Variants in IL1RAPL2 observed in about 807,000 individuals in gnomAD.
The protein encoded by IL1RAPL2 is X-linked interleukin-1 receptor accessory protein-like 2.
IL1RAPL2 carries 3 observed loss-of-function variants against 44.1 expected under a neutral mutation model. The ratio of observed to expected loss-of-function variants is 0.07; its 90% CI spans 0.03 to 0.18. IL1RAPL2 has a LOEUF of 0.18. Among genes scored for constraint, IL1RAPL2 ranks in the 10% least tolerant of loss-of-function variants. The probability of loss-of-function intolerance (pLI) is 1.00; values close to 1 mark genes in which losing one functional copy is unlikely to be tolerated. For missense variants in IL1RAPL2, 391 were observed against 496.4 expected (o/e 0.79, Z 2.02); for synonymous variants, 181 against 178.8 (o/e 1.01, Z -0.10).
chrX:104,886,795 G>T (rs964341697), intron 2 of IL1RAPL2, among the ~76,000 whole-genome samples: 1 of 112,108 alleles, frequency 8.9e-6, no homozygotes, highest in African/African-American at 3.2e-5. Flanking sequence ...TTGCCCCAAA[G>T]GTTTAGGGAT....
intron 2 of IL1RAPL2, among the ~76,000 whole-genome samples, chrX:104,910,109 T>G (rs2074086852): frequency 8.9e-6 from 1 of 112,181 alleles, no homozygotes; most frequent in Admixed American, 9.4e-5. Context: ...GGGAGTGGCC[T>G]GATTTTCCAG....
At chrX:105,083,826 G>A (rs1417005584) in intron 2 of IL1RAPL2, among the ~76,000 whole-genome samples, 1 of 111,979 alleles carries the variant, frequency 8.9e-6, no homozygotes, top group African/African-American at 3.2e-5. Flanking sequence ...CACTAAACAT[G>A]GAAAAGAAGA....
At chrX:104,612,579 G>C (rs375435254) in intron 1 of IL1RAPL2, among the ~76,000 whole-genome samples, 12 of 111,911 alleles carry the variant, frequency 1.1e-4, no homozygotes, top group African/African-American at 3.2e-4. Flanking sequence ...GGTTGCTATA[G>C]CCTTATAGTA....
chrX:105,488,801 A>G (rs1267368375), intron 6 of IL1RAPL2, among the ~76,000 whole-genome samples: 1 of 112,159 alleles, frequency 8.9e-6, no homozygotes, highest in Non-Finnish European at 1.9e-5. Context: ...TATTTCTAAA[A>G]GGAATTCATT....
chrX:104,601,554 G>A (rs988138162), intron 1 of IL1RAPL2, among the ~76,000 whole-genome samples: 1 of 111,848 alleles, frequency 8.9e-6, no homozygotes, highest in Non-Finnish European at 1.9e-5. Flanking sequence ...TAGGTCAAAT[G>A]GCAGTTCTCT....
At chrX:104,604,455 C>G (rs949368791) in intron 1 of IL1RAPL2, among the ~76,000 whole-genome samples, 2 of 109,430 alleles carry the variant, frequency 1.8e-5, no homozygotes, top group Non-Finnish European at 3.8e-5. Flanking sequence ...CACACATAAC[C>G]ATATTTACCA....
At chrX:104,840,122 C>T (rs1179148179) in intron 2 of IL1RAPL2, among the ~76,000 whole-genome samples, 2 of 111,315 alleles carry the variant, frequency 1.8e-5, no homozygotes, top group Non-Finnish European at 3.8e-5. Flanking sequence ...AATTTGTTTG[C>T]TCTTGCTTCT....
At chrX:105,424,791 AAAAC>A (rs1378935489) in intron 5 of IL1RAPL2, among the ~76,000 whole-genome samples, 1 of 110,737 alleles carries the variant, frequency 9.0e-6, no homozygotes, top group Non-Finnish European at 1.9e-5. Context: ...AAATTAAAAA[AAAAC>A]AGTGAACAAA....
At chrX:105,665,709 C>T (rs1454325379) in intron 6 of IL1RAPL2, among the ~76,000 whole-genome samples, 3 of 101,166 alleles carry the variant, frequency 3.0e-5, no homozygotes, top group Non-Finnish European at 6.0e-5. Flanking sequence ...TTTGTCCTTT[C>T]AATAGTTTTT....
intron 5 of IL1RAPL2, among the ~76,000 whole-genome samples, chrX:105,436,670 G>A (rs1197740322): frequency 1.8e-5 from 2 of 110,589 alleles, no homozygotes; most frequent in African/African-American, 3.3e-5. Context: ...TTAAAATAAC[G>A]CATTTCCAAC....
intron 2 of IL1RAPL2, among the ~76,000 whole-genome samples, chrX:104,733,898 G>C (rs1337243002): frequency 1.8e-5 from 2 of 110,210 alleles, no homozygotes; most frequent in Non-Finnish European, 3.8e-5. Context: ...TCTAATAAAG[G>C]ACTTGAATCC....
chrX:104,888,489 C>T (rs761939394), intron 2 of IL1RAPL2, among the ~76,000 whole-genome samples: 1 of 111,411 alleles, frequency 9.0e-6, no homozygotes, highest in Non-Finnish European at 1.9e-5. Flanking sequence ...ATAAAATGAT[C>T]TCATCTTCCA....
intron 2 of IL1RAPL2, among the ~76,000 whole-genome samples, chrX:104,662,016 T>G (rs958597799): frequency 5.3e-5 from 6 of 112,372 alleles, no homozygotes; most frequent in Admixed American, 4.7e-4. Flanking sequence ...CTGTTGCTAA[T>G]GGCCACCCTT....
At chrX:104,915,650 A>G (rs1273800787) in intron 2 of IL1RAPL2, among the ~76,000 whole-genome samples, 5 of 110,944 alleles carry the variant, frequency 4.5e-5, no homozygotes, top group Non-Finnish European at 9.5e-5. Context: ...GCCCATGCCT[A>G]TGTCCTGAAT....
intron 5 of IL1RAPL2, among the ~76,000 whole-genome samples, chrX:105,447,102 TATATAAAA>T (rs2035963339): frequency 3.4e-4 from 19 of 55,260 alleles, no homozygotes; most frequent in African/African-American, 1.1e-3. Context: ...TATATATATA[TATATAAAA>T]ATATATATAA....
At chrX:105,354,349 G>A (rs1402923331) in intron 5 of IL1RAPL2, among the ~76,000 whole-genome samples, 1 of 109,586 alleles carries the variant, frequency 9.1e-6, no homozygotes, top group Non-Finnish European at 1.9e-5. Flanking sequence ...CATGTCCTTT[G>A]TAGGGACATG....
chrX:105,505,260 AC>A (rs911006344), intron 6 of IL1RAPL2, among the ~76,000 whole-genome samples: 7 of 112,077 alleles, frequency 6.2e-5, no homozygotes, highest in Non-Finnish European at 1.3e-4. Context: ...TGTACCAGGC[AC>A]CATTATAAAC....
chrX:104,775,656 A>G (rs963882262), intron 2 of IL1RAPL2, among the ~76,000 whole-genome samples: 3 of 111,666 alleles, frequency 2.7e-5, no homozygotes, highest in African/African-American at 9.8e-5. Context: ...AAGATGAACC[A>G]TCTCTGCAAT....
chrX:105,101,424 T>G (rs1602954881), intron 2 of IL1RAPL2, among the ~76,000 whole-genome samples: 1 of 112,026 alleles, frequency 8.9e-6, no homozygotes, highest in East Asian at 2.8e-4. Flanking sequence ...CGCATTTTAA[T>G]AATTAGCCCC....
Sources: gnomAD v4.1 joint callset for allele counts (sites outside exome capture counted in the v4.1 genomes callset) on GRCh38, gnomAD v4.1.1 for gene constraint, MANE v1.5 for transcripts, NCBI Gene and HGNC (gene_info 2026-07-23, HGNC 2026-07-21) for gene names.